Variants in DNAJC7 observed in about 807,000 individuals in gnomAD.
DNAJC7 encodes DnaJ heat shock protein family (Hsp40) member C7, also known as dnaJ homolog subfamily C member 7.
A neutral mutation model predicts 67.4 loss-of-function variants in DNAJC7; 18 were observed. That is an observed-to-expected ratio of 0.27 (90% CI 0.18 to 0.40). The LOEUF is 0.40. DNAJC7 is among the 10% of genes least tolerant of loss of function. The pLI is 1.00. For missense variants in DNAJC7, 419 were observed against 613.8 expected, an observed-to-expected ratio of 0.68 and a Z score of 3.35; for synonymous variants, 220 against 207.8, an observed-to-expected ratio of 1.06 and a Z score of -0.50.
At chr17:41,981,769 T>A (rs190912216) in intron 12 of DNAJC7, 86 bp downstream of exon 12, 18 of 1,547,022 alleles carry the variant, frequency 1.2e-5, no homozygotes, top group Non-Finnish European at 1.4e-5. Flanking sequence ...TTGGCCCAAA[T>A]AGACTCTCCC....
intron 10 of DNAJC7, 59 bp from the exon 11 acceptor site, chr17:41,982,460 G>A: frequency 6.3e-7 from 1 of 1,593,178 alleles, no homozygotes; most frequent in Non-Finnish European, 8.6e-7. Flanking sequence ...TCCTCACCAG[G>A]TCTCAGCCCA....
chr17:41,999,982 C>A (rs549718580), intron 2 of DNAJC7, among the ~76,000 whole-genome samples: 1 of 147,590 alleles, frequency 6.8e-6, no homozygotes, highest in Admixed American at 6.8e-5. Context: ...CCAGGCCCAG[C>A]TAATTTTTGT....
At chr17:42,012,280 C>T (rs938166918) in intron 1 of DNAJC7, among the ~76,000 whole-genome samples, 4 of 152,166 alleles carry the variant, frequency 2.6e-5, no homozygotes, top group Admixed American at 2.0e-4. Context: ...GTTAAGAGAT[C>T]GAGACCATCC....
At chr17:41,983,518 C>A (rs782208820) in intron 10 of DNAJC7, 45 bp downstream of exon 10, 2 of 1,511,526 alleles carry the variant, frequency 1.3e-6, no homozygotes, top group East Asian at 2.4e-5. Flanking sequence ...TTATGGCCTA[C>A]GAAGTCCACA....
intron 1 of DNAJC7, 69 bp downstream of exon 1, chr17:42,017,271 G>A: frequency 6.2e-7 from 1 of 1,605,562 alleles, no homozygotes; most frequent in Admixed American, 1.7e-5. Flanking sequence ...GCTGCATCAT[G>A]GCAGGAACGA....
At chr17:41,987,973 T>A in intron 8 of DNAJC7, 63 bp from the exon 9 acceptor site, 1 of 1,377,422 alleles carries the variant, frequency 7.3e-7, no homozygotes, top group Non-Finnish European at 1.0e-6. Flanking sequence ...CCAGAAGCTG[T>A]GAGCATGGCT....
rs199917421 is a variant in DNAJC7, at chr17:41,988,885, T to G, written c.765A>C (p.Ala255=). The G allele has an allele frequency of 3.3e-4, 526 of 1,613,534 alleles. 1 individual carries two copies. The highest frequency in any genetic ancestry group is 2.7e-3 in the Middle Eastern group (16 of 6,016). ...KACIACRNAK[A]LKAKKEDGNK... ...TCCCATCTTCTTTCTTTGCTTTGAG[T>G]GCTTTGGCATTCTACAGAAAAAAGC... Residue 255 remains alanine, a synonymous_variant, in exon 8 of 14, where the codon GCA becomes GCC. Transcript: ENST00000457167.
chr17:42,010,417 G>A lies in DNAJC7; in HGVS notation c.77+6923C>T, dbSNP rs1454852587. 3.3e-5 allele frequency among the ~76,000 whole-genome samples: 5 copies of A among 151,982 alleles called. No homozygotes were observed. In the South Asian group the frequency reaches 6.3e-4, roughly 19 times the overall value. ...TGACTCAGGAGAATTGCTTGAACCC[G>A]GGAGGCGGAGGCTGCAGTGAGCCAA... On this transcript the variant is annotated intron_variant, in intron 1 of 13. Transcript: ENST00000457167.
chr17:42,002,229 G>C (rs559663534), intron 1 of DNAJC7, among the ~76,000 whole-genome samples: 30 of 152,322 alleles, frequency 2.0e-4, no homozygotes, highest in Non-Finnish European at 3.7e-4. Context: ...AAATGGAGTA[G>C]CAAATTCCAA....
intron 10 of DNAJC7, among the ~76,000 whole-genome samples, chr17:41,982,697 C>G (rs781986162): frequency 6.6e-6 from 1 of 152,098 alleles, no homozygotes; most frequent in African/African-American, 2.4e-5. Flanking sequence ...AGGAGGGGCC[C>G]TTGGCCCAAG....
At position 41,990,488 on chromosome 17, in the gene DNAJC7, G is replaced by T. The variant is rs1453946539; in HGVS notation, c.481-106C>A. On this transcript the variant is annotated intron_variant, in intron 5 of 13. Coordinates refer to ENST00000457167, the MANE Select transcript of DNAJC7 (RefSeq NM_003315.4). ...AGACTCAAAACTCAATGAGGTCTTT[G>T]GGTCCACTTCTAAGTAATATCAAAG... 5 of 894,662 alleles carry T rather than the reference G, an allele frequency of 5.6e-6. No homozygotes were observed. In the East Asian group the frequency reaches 1.3e-4, roughly 24 times the overall value. The allele number at this position is 894,662 out of a possible 1,614,324, so 55.4% of individuals were successfully genotyped here. A position where few individuals can be genotyped will look rare whatever the true frequency, so the allele number is the denominator to read the frequency against.
intron 2 of DNAJC7, among the ~76,000 whole-genome samples, chr17:41,997,769 C>T (rs1315311591): frequency 2.0e-5 from 3 of 152,176 alleles, no homozygotes; most frequent in Non-Finnish European, 2.9e-5. Context: ...TAACCTCTGC[C>T]TCCTGGGTTC....
chr17:41,999,045 A>G lies in DNAJC7; in HGVS notation c.166+1437T>C, dbSNP rs73309747. 6.0e-3 allele frequency among the ~76,000 whole-genome samples: 914 copies of G among 152,176 alleles called. 6 individuals carry two copies. The highest frequency in any genetic ancestry group is 0.021 in the African/African-American group (881 of 41,532). On this transcript the variant is annotated intron_variant, in intron 2 of 13. Transcript: ENST00000457167. ...TATTTTAAAAAATTTAAAGAGTTAA[A>G]AAAAAAGAAAAGAAAAAGAAAAAAG...
At chr17:41,990,668 C>CTTT (rs144357519) in intron 5 of DNAJC7, among the ~76,000 whole-genome samples, 4 of 142,140 alleles carry the variant, frequency 2.8e-5, no homozygotes, top group African/African-American at 5.1e-5. Flanking sequence ...AATATTATCA[C>CTTT]TTTTTTTTTT....
Position 41,976,522 on chromosome 17 carries a change from T to A in DNAJC7, c.*211A>T. The A allele has an allele frequency of 1.9e-6, 1 of 539,074 alleles. No individual in the cohort carries two copies. The highest frequency in any genetic ancestry group is 3.2e-6 in the Non-Finnish European group (1 of 313,018). 33.4% of individuals were successfully genotyped at this position (539,074 alleles called of 1,614,324 possible). A position where few individuals can be genotyped will look rare whatever the true frequency, so the allele number is the denominator to read the frequency against. The stretch of plus-strand genomic sequence containing the variant: ...AACAAAAATTCACAAGCTGCCTCCC[T>A]GTCCACCCCCGCCTCCCTCCCCTGC... On this transcript the variant is annotated 3_prime_UTR_variant, in exon 14 of 14. Coordinates refer to ENST00000457167, the MANE Select transcript of DNAJC7 (RefSeq NM_003315.4).
chr17:42,006,674 G>A (rs1206446406), intron 1 of DNAJC7, among the ~76,000 whole-genome samples: 2 of 150,632 alleles, frequency 1.3e-5, no homozygotes, highest in African/African-American at 4.9e-5. Flanking sequence ...GCATGCACCT[G>A]TAATCCCAGC....
At chr17:42,008,086 G>T (rs976350637) in intron 1 of DNAJC7, among the ~76,000 whole-genome samples, 1 of 151,862 alleles carries the variant, frequency 6.6e-6, no homozygotes, top group African/African-American at 2.4e-5. Flanking sequence ...GCCAAGGAGG[G>T]TGGATCACCT....
intron 1 of DNAJC7, among the ~76,000 whole-genome samples, chr17:42,002,160 G>A (rs541046818): frequency 2.0e-5 from 3 of 152,182 alleles, no homozygotes; most frequent in Non-Finnish European, 4.4e-5. Context: ...GACATGCCAA[G>A]GGATTTGAAC....
At chr17:41,991,125 C>A (rs1354169852) in intron 5 of DNAJC7, among the ~76,000 whole-genome samples, 1 of 152,164 alleles carries the variant, frequency 6.6e-6, no homozygotes, top group Non-Finnish European at 1.5e-5. Context: ...TTCTGTTTTT[C>A]TCTTTTTACT....
Sources: allele counts gnomAD v4.1 joint callset (sites outside exome capture counted in the v4.1 genomes callset), GRCh38; gene constraint gnomAD v4.1.1; transcripts MANE v1.5; gene names NCBI Gene and HGNC (gene_info 2026-07-23, HGNC 2026-07-21).